The following AGBL3 variants were observed in gnomAD, a reference collection of about 807,000 sequenced individuals.
The protein encoded by AGBL3 is AGBL carboxypeptidase 3.
In AGBL3, 68 loss-of-function variants were observed where a neutral mutation model predicts 94.5. The ratio of observed to expected loss-of-function variants is 0.72; its 90% CI spans 0.59 to 0.88. The LOEUF is 0.88. AGBL3 is among the 40% of genes least tolerant of loss of function. AGBL3 has a pLI of 0.00. For synonymous variants in AGBL3, 354 were observed against 370.7 expected (o/e 0.95, Z 0.52); for missense variants, 934 against 1,103.8 (o/e 0.85, Z 2.18).
chr7:135,068,586 T>G (rs1372971688), intron 12 of AGBL3, among the ~76,000 whole-genome samples: 1 of 152,124 alleles, frequency 6.6e-6, no homozygotes, highest in Non-Finnish European at 1.5e-5. Context: ...ATATTCAACA[T>G]CCTTAAAGAA....
intron 4 of AGBL3, among the ~76,000 whole-genome samples, chr7:134,994,982 C>T (rs1563164297): frequency 6.6e-6 from 1 of 152,102 alleles, no homozygotes; most frequent in African/African-American, 2.4e-5. Flanking sequence ...TGCTACCACC[C>T]CCTCCAACCT....
intron 5 of AGBL3, among the ~76,000 whole-genome samples, chr7:135,019,698 G>A (rs578224205): frequency 2.0e-5 from 3 of 152,240 alleles, no homozygotes; most frequent in Admixed American, 6.5e-5. Flanking sequence ...AAACAGCACG[G>A]TACTGGTACC....
intron 12 of AGBL3, among the ~76,000 whole-genome samples, chr7:135,065,315 A>G (rs1819189519): frequency 1.3e-5 from 2 of 152,244 alleles, no homozygotes; most frequent in Non-Finnish European, 1.5e-5. Context: ...TTTCACAGAA[A>G]TAGAACAAAC....
Position 135,134,977 on chromosome 7 carries a change from T to C in AGBL3, c.2479T>C (p.Leu827=), listed in dbSNP as rs1310138637. ...EWVQSKPHRS[L]ESLSPLKGPK... ...GGTCCAGTCTAAGCCCCACAGGTCA[T>C]TGGAAAGTTTATCACCTCTCAAAGG... Residue 827 remains leucine, a synonymous_variant, in exon 17 of 17, where the codon TTG becomes CTG. Transcript: ENST00000436302. 1.3e-6 allele frequency: 2 copies of C among 1,551,196 alleles called. No homozygotes were observed. Among genetic ancestry groups the C allele is most frequent in the East Asian group, 4.9e-5 (2 of 40,904 alleles).
intron 16 of AGBL3, among the ~76,000 whole-genome samples, chr7:135,118,087 G>C (rs967897526): frequency 6.6e-6 from 1 of 152,104 alleles, no homozygotes; most frequent in Admixed American, 6.6e-5. Flanking sequence ...CTGAAGCCTG[G>C]CTGAATTCCC....
At chr7:135,002,081 A>G (rs1424642858) in intron 4 of AGBL3, among the ~76,000 whole-genome samples, 1 of 152,168 alleles carries the variant, frequency 6.6e-6, no homozygotes, top group Non-Finnish European at 1.5e-5. Flanking sequence ...CTTTCACCAC[A>G]TTTCAGTGAG....
At chr7:135,077,082 A>T (rs112191438) in intron 13 of AGBL3, among the ~76,000 whole-genome samples, 7 of 152,286 alleles carry the variant, frequency 4.6e-5, no homozygotes, top group African/African-American at 9.6e-5. Flanking sequence ...CAGAAACTCC[A>T]CACTAGTGTA....
At chr7:135,108,813 G>A (rs1219191376) in intron 15 of AGBL3, among the ~76,000 whole-genome samples, 1 of 152,108 alleles carries the variant, frequency 6.6e-6, no homozygotes, top group Non-Finnish European at 1.5e-5. Context: ...CCCTTTCAGG[G>A]ATGCAAATGA....
In AGBL3 at chr7:135,055,362, G is replaced by A. The variant is rs1818250216; in HGVS notation, c.1842-3807G>A. ...AAGACATCCTTATCCTGTCCTCAAAGCAGGAAAGCATCTAGTTTCTCACCA... is the reference window on the plus strand; with the variant it reads ...AAGACATCCTTATCCTGTCCTCAAAACAGGAAAGCATCTAGTTTCTCACCA... On this transcript the variant is annotated intron_variant, in intron 11 of 16. Coordinates refer to ENST00000436302, the MANE Select transcript of AGBL3 (RefSeq NM_178563.4). 3.3e-5 allele frequency among the ~76,000 whole-genome samples: 5 copies of A among 152,298 alleles called. No individual in the cohort carries two copies. The South Asian group carries it at 8.3e-4, about 25-fold the overall frequency.
At chr7:135,124,869 T>C (rs867265151) in intron 16 of AGBL3, among the ~76,000 whole-genome samples, 37 of 152,314 alleles carry the variant, frequency 2.4e-4, no homozygotes, top group Middle Eastern at 3.4e-3. Context: ...AGAGACAATG[T>C]ACCACAATCT....
In AGBL3 at chr7:135,013,911, T is replaced by C. The variant is rs1001441493; in HGVS notation, c.311-3141T>C. On this transcript the variant is annotated intron_variant, in intron 4 of 16. Coordinates refer to ENST00000436302, the MANE Select transcript of AGBL3 (RefSeq NM_178563.4). ...GCCTAAAAAGATAAAAACCAAAATG[T>C]TGGCCGGGCGCAGTGGCTCATGTCT... Among the ~76,000 whole-genome samples the C allele has an allele frequency of 3.3e-5, 5 of 152,202 alleles. 1 individual carries two copies. The highest frequency in any genetic ancestry group is 2.6e-4 in the Admixed American group (4 of 15,294).
At chr7:135,044,762 TGCA>T (rs1817193583) in intron 9 of AGBL3, among the ~76,000 whole-genome samples, 1 of 151,534 alleles carries the variant, frequency 6.6e-6, no homozygotes, top group Non-Finnish European at 1.5e-5. Flanking sequence ...GTGCACAATG[TGCA>T]GGTTAGTTAC....
At chr7:135,024,964 AGATTATG>A (rs2116336872) in intron 5 of AGBL3, among the ~76,000 whole-genome samples, 1 of 151,736 alleles carries the variant, frequency 6.6e-6, no homozygotes, top group African/African-American at 2.4e-5. Context: ...GAGAAATATG[AGATTATG>A]TAAAGATTCC....
intron 13 of AGBL3, among the ~76,000 whole-genome samples, chr7:135,078,699 G>A (rs1481803201): frequency 6.6e-6 from 1 of 152,054 alleles, no homozygotes; most frequent in African/African-American, 2.4e-5. Context: ...TATATTTAAT[G>A]TTAGATACTT....
chr7:135,042,668 G>A (rs1456563265), intron 8 of AGBL3, among the ~76,000 whole-genome samples: 4 of 152,114 alleles, frequency 2.6e-5, no homozygotes, highest in African/African-American at 4.8e-5. Context: ...CCAGCACTTC[G>A]GAAGACCAAG....
At chr7:135,058,957 A>G (rs1331374644) in intron 11 of AGBL3, among the ~76,000 whole-genome samples, 2 of 152,114 alleles carry the variant, frequency 1.3e-5, no homozygotes, top group Admixed American at 1.3e-4. Flanking sequence ...GGGTTTCACC[A>G]TGTTGGTCAG....
rs1819340060 is a variant in AGBL3, at chr7:135,066,695, C to T, written c.1908+7460C>T. Among the ~76,000 whole-genome samples the T allele has an allele frequency of 1.3e-5, 2 of 152,220 alleles. 1 individual carries two copies. Among genetic ancestry groups the T allele is most frequent in the South Asian group, 4.1e-4 (2 of 4,826 alleles). On this transcript the variant is annotated intron_variant, in intron 12 of 16. Transcript: ENST00000436302. ...TTTATTGCAGTACTATTCACAATAG[C>T]CAAGATGCAGAAACAAGTGTCTATC...
rs769516593 is a variant in AGBL3 at position 135,037,577 on chromosome 7, T to A, written c.1497T>A (p.Asp499Glu). ...FPLMLSKNCP[D>E]KFSFSACKFN... ...TTATGCTAAGCAAAAATTGTCCAGA[T>A]AAAGTAAGCACCTTTTAAGGTATTA... Residue 499 changes from aspartate (D) to glutamate (E), a missense_variant, in exon 8 of 17, where the codon GAT (aspartate) becomes GAA (glutamate). By Grantham distance (45) the Asp-to-Glu change is conservative (BLOSUM62 2). Around this residue, in one of 3 missense-constraint regions of AGBL3, gnomAD observed 441 missense variants for 518.2 expected, o/e 0.85. Coordinates refer to ENST00000436302, the MANE Select transcript of AGBL3 (RefSeq NM_178563.4). 33 of 1,537,590 alleles carry A rather than the reference T, an allele frequency of 2.1e-5. No individual in the cohort carries two copies. The South Asian group carries it at 2.5e-4, about 11-fold the overall frequency.
chr7:135,107,152 T>C (rs542695002), intron 15 of AGBL3, among the ~76,000 whole-genome samples: 3 of 152,076 alleles, frequency 2.0e-5, no homozygotes, highest in African/African-American at 7.2e-5. Context: ...GATTTTTTTT[T>C]CAAAAAGCCA....
Sources: allele counts gnomAD v4.1 joint callset (sites outside exome capture counted in the v4.1 genomes callset), GRCh38; gene constraint gnomAD v4.1.1; regional missense constraint gnomAD v4.1.1; transcripts MANE v1.5; gene names NCBI Gene and HGNC (gene_info 2026-07-23, HGNC 2026-07-21).